Variants in SPAG1 observed in about 807,000 individuals in gnomAD.
The protein encoded by SPAG1 is sperm-associated antigen 1.
SPAG1 carries 69 observed loss-of-function variants against 100.5 expected under a neutral mutation model. The ratio of observed to expected loss-of-function variants is 0.69; its 90% CI spans 0.57 to 0.84. The LOEUF (loss-of-function observed/expected upper bound fraction) is 0.84. SPAG1 is among the 40% of genes least tolerant of loss of function. SPAG1 has a pLI of 0.00. For missense variants in SPAG1, 955 were observed against 1,133.1 expected, an observed-to-expected ratio of 0.84 and a Z score of 2.26; for synonymous variants, 336 against 411.6, an observed-to-expected ratio of 0.82 and a Z score of 2.22.
At chr8:100,203,188 G>A (rs139999266) in intron 10 of SPAG1, among the ~76,000 whole-genome samples, 25 of 152,256 alleles carry the variant, frequency 1.6e-4, no homozygotes, top group African/African-American at 1.4e-4. Context: ...TCTTTCTCCC[G>A]TGCTGGGTGC....
At chr8:100,168,165 C>T (rs1815648919) in intron 3 of SPAG1, among the ~76,000 whole-genome samples, 3 of 152,172 alleles carry the variant, frequency 2.0e-5, no homozygotes, top group Admixed American at 1.3e-4. Flanking sequence ...TACCATTGTG[C>T]AATCCTGACA....
intron 9 of SPAG1, among the ~76,000 whole-genome samples, chr8:100,193,498 CAAAA>C (rs975266299): frequency 2.0e-5 from 3 of 152,042 alleles, no homozygotes; most frequent in East Asian, 1.9e-4. Flanking sequence ...ACAAAACAAA[CAAAA>C]AAGCCACAGA....
chr8:100,231,239 A>C lies in SPAG1; in HGVS notation c.1939A>C (p.Ser647Arg), dbSNP rs762936631. Residue 647 changes from serine (S) to arginine (R), a missense_variant, in exon 15 of 19, where the codon AGC becomes CGC. Ser to Arg is a moderately radical substitution (Grantham distance 110). Transcript: ENST00000388798. The stretch of plus-strand genomic sequence containing the variant: ...CTATAAAGACGCCCTCAGTAAATAC[A>C]GCGAATGCTTAAAGATTAACAATAA... ...KNYKDALSKYSECLKINNKEC... is the reference protein window; with the variant it reads ...KNYKDALSKYRECLKINNKEC... 1 of 1,605,854 alleles carries C rather than the reference A, an allele frequency of 6.2e-7. No homozygotes were observed. The highest frequency in any genetic ancestry group is 1.3e-5 in the African/African-American group (1 of 74,784).
intron 15 of SPAG1, among the ~76,000 whole-genome samples, chr8:100,232,908 C>G (rs1243541396): frequency 6.6e-6 from 1 of 152,198 alleles, no homozygotes; most frequent in Non-Finnish European, 1.5e-5. Flanking sequence ...TCAGGAACAC[C>G]ATATTCTCTT....
intron 14 of SPAG1, among the ~76,000 whole-genome samples, chr8:100,230,217 T>C (rs1818705285): frequency 1.3e-5 from 2 of 152,260 alleles, no homozygotes; most frequent in Admixed American, 6.5e-5. Flanking sequence ...CCAAGGAAAT[T>C]TGGGGTGCCG....
intron 16 of SPAG1, among the ~76,000 whole-genome samples, chr8:100,236,335 G>A (rs924529592): frequency 6.6e-6 from 1 of 152,198 alleles, no homozygotes; most frequent in African/African-American, 2.4e-5. Flanking sequence ...GAGAGACAGG[G>A]TCTCACTATG....
intron 10 of SPAG1, among the ~76,000 whole-genome samples, chr8:100,209,720 T>C (rs181302600): frequency 2.0e-5 from 3 of 152,290 alleles, no homozygotes; most frequent in African/African-American, 7.2e-5. Flanking sequence ...GTTAAATTTA[T>C]TCCTAGGTAT....
At chr8:100,222,112 C>T (rs573557570) in intron 13 of SPAG1, among the ~76,000 whole-genome samples, 1 of 152,328 alleles carries the variant, frequency 6.6e-6, no homozygotes, top group African/African-American at 2.4e-5. Context: ...TCTGCTGCCT[C>T]CTTTTATGTG....
chr8:100,202,658 C>T (rs1429446013), intron 10 of SPAG1, among the ~76,000 whole-genome samples: 14 of 133,792 alleles, frequency 1.0e-4, no homozygotes, highest in African/African-American at 3.5e-4. Context: ...TGCAGTGAGC[C>T]GAGATCGCGC....
At chr8:100,159,280 C>G (rs893481341) in intron 1 of SPAG1, among the ~76,000 whole-genome samples, 2 of 152,148 alleles carry the variant, frequency 1.3e-5, no homozygotes, top group Admixed American at 6.5e-5. Flanking sequence ...AACTTCTACC[C>G]TTGAGGTTAT....
At chr8:100,164,999 T>A (rs2132194673) in intron 2 of SPAG1, among the ~76,000 whole-genome samples, 1 of 152,296 alleles carries the variant, frequency 6.6e-6, no homozygotes, top group South Asian at 2.1e-4. Flanking sequence ...AACTACCTGT[T>A]TGTGTGTGAG....
chr8:100,211,804 A>C (rs998620108), intron 10 of SPAG1, among the ~76,000 whole-genome samples: 2 of 152,254 alleles, frequency 1.3e-5, no homozygotes, highest in African/African-American at 4.8e-5. Flanking sequence ...TATTAGGATT[A>C]ATGTGATCCA....
At position 100,241,434 on chromosome 8, in the gene SPAG1, CCTG is replaced by C. The variant is rs1258022975; in HGVS notation, c.*415_*417del. ...ACAGTGATTATTATATCACTTATATCCTGCTAAGATACACATAAATCCCATTTT... is the reference window on the plus strand; with the variant it reads ...ACAGTGATTATTATATCACTTATATCCTAAGATACACATAAATCCCATTTT... On this transcript the variant is annotated 3_prime_UTR_variant, in exon 19 of 19. Transcript: ENST00000388798. This position sits in a 1 kb window ranked among gnomAD's most constrained non-coding sequence, Gnocchi z 5.1. The C allele has an allele frequency of 1.3e-5, 2 of 153,208 alleles. No homozygotes were observed. The highest frequency in any genetic ancestry group is 1.5e-5 in the Non-Finnish European group (1 of 68,912). 9.5% of individuals were successfully genotyped at this position (153,208 alleles called of 1,614,324 possible). A position where few individuals can be genotyped will look rare whatever the true frequency, so the allele number is the denominator to read the frequency against.
Position 100,177,826 on chromosome 8 carries a change from C to T in SPAG1, c.311C>T (p.Ser104Leu). The change falls in exon 4 of 19, where the codon TCA becomes TTA. Residue 104 changes from serine (S) to leucine (L), a missense_variant. Physicochemically the swap from Ser to Leu is moderately radical, Grantham distance 145. Coordinates refer to ENST00000388798, the MANE Select transcript of SPAG1 (RefSeq NM_003114.5). Reference sequence around the variant, plus strand: ...TTTCTCTATTCTCAGAGTTGGGTATCAGAAATTAAAAAAGAAGAAGATAAA... The same window carrying T: ...TTTCTCTATTCTCAGAGTTGGGTATTAGAAATTAAAAAAGAAGAAGATAAA... The part of the protein sequence containing the change: ...KIDGDIKSWV[S>L]EIKKEEDKMH... 6.6e-7 allele frequency: 1 copy of T among 1,512,844 alleles called. No individual in the cohort carries two copies. Among genetic ancestry groups the T allele is most frequent in the Non-Finnish European group, 9.2e-7 (1 of 1,090,230 alleles). 93.7% of individuals were successfully genotyped at this position (1,512,844 alleles called of 1,614,324 possible).
At chr8:100,215,892 T>G (rs1767888483) in intron 12 of SPAG1, among the ~76,000 whole-genome samples, 1 of 152,260 alleles carries the variant, frequency 6.6e-6, no homozygotes. Flanking sequence ...CTTGAGGCAC[T>G]TGAATTTTTT....
chr8:100,233,104 C>G, intron 15 of SPAG1: 1 of 292,040 alleles, frequency 3.4e-6, no homozygotes, highest in Non-Finnish European at 6.5e-6. Context: ...TGTCTCAGCC[C>G]CACTGAATCT....
At position 100,241,130 on chromosome 8, in the gene SPAG1, G is replaced by A; in HGVS notation, c.*108G>A. On this transcript the variant is annotated 3_prime_UTR_variant, in exon 19 of 19. Transcript: ENST00000388798. The surrounding 1 kb of genome is among the most constrained non-coding windows in gnomAD (Gnocchi z 5.1). ...GATAAAACTTGGCCTAGAAAAGTTTGGTCTGCACTATAAAACATTTTACTT... is the reference window on the plus strand; with the variant it reads ...GATAAAACTTGGCCTAGAAAAGTTTAGTCTGCACTATAAAACATTTTACTT... The A allele has an allele frequency of 1.9e-6, 2 of 1,064,072 alleles. No homozygotes were observed. Among genetic ancestry groups the A allele is most frequent in the East Asian group, 2.5e-5 (1 of 39,840 alleles). 65.9% of individuals were successfully genotyped at this position (1,064,072 alleles called of 1,614,324 possible). A position where few individuals can be genotyped will look rare whatever the true frequency, so the allele number is the denominator to read the frequency against.
At chr8:100,221,201 A>C (rs1378479946) in intron 13 of SPAG1, among the ~76,000 whole-genome samples, 4 of 152,260 alleles carry the variant, frequency 2.6e-5, no homozygotes, top group Non-Finnish European at 4.4e-5. Flanking sequence ...TTGGCACCAT[A>C]TCTGTCAGTG....
At position 100,187,263 on chromosome 8, in the gene SPAG1, A is replaced by G. The variant is rs368232596; in HGVS notation, c.832+13A>G. ...GGAAACGTAAAGGGTAAAAAATATT[A>G]TAGAATTCTTTTACATTTACAGCAG... On this transcript the variant is annotated intron_variant, in intron 8 of 18. Transcript: ENST00000388798. 29 of 1,591,354 alleles carry G rather than the reference A, an allele frequency of 1.8e-5. No individual in the cohort carries two copies. The highest frequency in any genetic ancestry group is 3.5e-5 in the Admixed American group (2 of 57,194).
Sources: allele counts gnomAD v4.1 joint callset (sites outside exome capture counted in the v4.1 genomes callset), GRCh38; gene constraint gnomAD v4.1.1; non-coding constraint Gnocchi (gnomAD v3.1); transcripts MANE v1.5; gene names NCBI Gene and HGNC (gene_info 2026-07-23, HGNC 2026-07-21).